Variants in SBNO2 observed in about 807,000 individuals in gnomAD.
SBNO2 encodes protein strawberry notch homolog 2.
In SBNO2, 89 loss-of-function variants were observed where a neutral mutation model predicts 146.3. The ratio of observed to expected loss-of-function variants is 0.61; its 90% CI spans 0.51 to 0.73. The LOEUF is 0.73. Among genes scored for constraint, SBNO2 ranks in the 30% least tolerant of loss-of-function variants. The pLI is 0.00. For synonymous variants in SBNO2, 1,147 were observed against 892.6 expected (o/e 1.29, Z -5.08); for missense variants, 2,092 against 2,003.7 (o/e 1.04, Z -0.84).
intron 1 of SBNO2, among the ~76,000 whole-genome samples, chr19:1,155,733 C>T (rs963772945): frequency 5.9e-5 from 9 of 152,192 alleles, no homozygotes; most frequent in Admixed American, 4.6e-4. Context: ...CCCCCGACCC[C>T]GGCCCCGTGT....
At chr19:1,121,553 C>T (rs185033043) in intron 11 of SBNO2, among the ~76,000 whole-genome samples, 373 of 152,322 alleles carry the variant, frequency 2.4e-3, no homozygotes, top group Non-Finnish European at 4.4e-3. Flanking sequence ...CCTGCAGGGC[C>T]GAGCACCAGG....
intron 16 of SBNO2, among the ~76,000 whole-genome samples, chr19:1,116,598 C>A (rs936324441): frequency 3.9e-5 from 6 of 152,166 alleles, no homozygotes; most frequent in African/African-American, 1.4e-4. Context: ...CCCTGGAGAC[C>A]ATGTCCCAAA....
At chr19:1,143,247 G>A (rs1186348185) in intron 4 of SBNO2, among the ~76,000 whole-genome samples, 2 of 152,188 alleles carry the variant, frequency 1.3e-5, no homozygotes, top group South Asian at 2.1e-4. Context: ...GTAGGCTCAG[G>A]CAGGAGAATC....
Position 1,157,606 on chromosome 19 carries a change from AG to A in SBNO2, c.-126-3205del, listed in dbSNP as rs1482951363. 2.6e-5 allele frequency among the ~76,000 whole-genome samples: 4 copies of A among 152,042 alleles called. No individual in the cohort carries two copies. Among genetic ancestry groups the A allele is most frequent in the South Asian group, 2.1e-4 (1 of 4,828 alleles). On this transcript the variant is annotated intron_variant, in intron 1 of 31. Coordinates refer to ENST00000361757, the MANE Select transcript of SBNO2 (RefSeq NM_014963.3). This position sits in a 1 kb window ranked among gnomAD's most constrained non-coding sequence, Gnocchi z 6.8. ...GGGGTCACACGGTTCCCACCTTGGG[AG>A]GGGGCCCGCGCTTTATCAGCACGCT...
chr19:1,143,962 C>T (rs1258337844), intron 4 of SBNO2, among the ~76,000 whole-genome samples: 4 of 152,348 alleles, frequency 2.6e-5, no homozygotes, highest in African/African-American at 9.6e-5. Flanking sequence ...AGGCTGTAAC[C>T]GTGTGGCCAG....
rs1167658821 is a variant in SBNO2, at chr19:1,110,626, C to A, written c.3028+119G>T. ...GGGATGCACGGTGTTCCCACGAGCCCCTCGCCCACCCGGGATGCCCGGTGT... is the reference window on the plus strand; with the variant it reads ...GGGATGCACGGTGTTCCCACGAGCCACTCGCCCACCCGGGATGCCCGGTGT... On this transcript the variant is annotated intron_variant, in intron 26 of 31. Transcript: ENST00000361757. This position sits in a 1 kb window ranked among gnomAD's most constrained non-coding sequence, Gnocchi z 4.9. 1.0e-5 allele frequency: 13 copies of A among 1,294,768 alleles called. No homozygotes were observed. The highest frequency in any genetic ancestry group is 1.3e-5 in the Non-Finnish European group (13 of 966,964). 80.2% of individuals were successfully genotyped at this position (1,294,768 alleles called of 1,614,324 possible).
At chr19:1,124,599 G>C (rs28697188) in intron 5 of SBNO2, among the ~76,000 whole-genome samples, 1 of 152,172 alleles carries the variant, frequency 6.6e-6, no homozygotes, top group Non-Finnish European at 1.5e-5. Context: ...AACCCCCGTG[G>C]GTGCAGTCCC....
intron 1 of SBNO2, among the ~76,000 whole-genome samples, chr19:1,171,169 C>T (rs897909085): frequency 2.4e-4 from 36 of 151,804 alleles, no homozygotes. Flanking sequence ...GCGTATGAAA[C>T]ACACGAGCAA....
In SBNO2 at chr19:1,109,615, TGG is replaced by T; in HGVS notation, c.3124-19_3124-18del. On this transcript the variant is annotated intron_variant, in intron 27 of 31. Coordinates refer to ENST00000361757, the MANE Select transcript of SBNO2 (RefSeq NM_014963.3). The surrounding 1 kb of genome is among the most constrained non-coding windows in gnomAD (Gnocchi z 4.2). ...CACGCTGATCTGCCACGGCACGGGGTGGGGGGGTGTGAGTGTGGTGGGGGCGG... is the reference window on the plus strand; with the variant it reads ...CACGCTGATCTGCCACGGCACGGGGTGGGGGTGTGAGTGTGGTGGGGGCGG... The T allele has an allele frequency of 1.7e-6, 1 of 572,880 alleles. No homozygotes were observed. Among genetic ancestry groups the T allele is most frequent in the Admixed American group, 4.5e-5 (1 of 22,076 alleles). 35.5% of individuals were successfully genotyped at this position (572,880 alleles called of 1,614,324 possible).
intron 1 of SBNO2, among the ~76,000 whole-genome samples, chr19:1,170,442 C>G (rs1458398372): frequency 1.3e-5 from 2 of 152,086 alleles, no homozygotes; most frequent in Non-Finnish European, 2.9e-5. Flanking sequence ...TCCACCCACA[C>G]TGCCGGGCGG....
At chr19:1,120,570 T>C (rs1197809063) in intron 11 of SBNO2, among the ~76,000 whole-genome samples, 1 of 151,790 alleles carries the variant, frequency 6.6e-6, no homozygotes, top group Non-Finnish European at 1.5e-5. Flanking sequence ...GGGTTGGCCG[T>C]TTGGTTGGCC....
chr19:1,151,398 G>A (rs373511825), intron 2 of SBNO2, among the ~76,000 whole-genome samples: 3 of 152,172 alleles, frequency 2.0e-5, no homozygotes, highest in Non-Finnish European at 4.4e-5. Flanking sequence ...GGATGGGACG[G>A]GGGGAAAGTC....
At chr19:1,167,798 C>A (rs1030945450) in intron 1 of SBNO2, among the ~76,000 whole-genome samples, 3 of 152,204 alleles carry the variant, frequency 2.0e-5, no homozygotes, top group African/African-American at 7.2e-5. Flanking sequence ...TCTCAGCCTG[C>A]GGTCAGGCCG....
chr19:1,164,813 AGCAGGAGGAG>A (rs1421964267), intron 1 of SBNO2, among the ~76,000 whole-genome samples: 57 of 130 alleles, frequency 0.44, 7 homozygotes, highest in Admixed American at 0.75. Context: ...GAGGAGGAGG[AGCAGGAGGAG>A]GGAGGAGGAA....
In SBNO2 at chr19:1,111,010, G is replaced by A. The variant is rs1319801705; in HGVS notation, c.2884+9C>T. 6.3e-6 allele frequency: 10 copies of A among 1,594,402 alleles called. No individual in the cohort carries two copies. The highest frequency in any genetic ancestry group is 7.7e-6 in the Non-Finnish European group (9 of 1,171,200). On this transcript the variant is annotated intron_variant, in intron 25 of 31. Transcript: ENST00000361757. ...GGAGCGCCTCTGGGCCTGGGTGTGG[G>A]GCACTCACCCTTCTCCACGTCCAGG...
At position 1,157,284 on chromosome 19, in the gene SBNO2, T is replaced by G. The variant is rs1436997705; in HGVS notation, c.-126-2882A>C. 6.6e-6 allele frequency among the ~76,000 whole-genome samples: 1 copy of G among 151,778 alleles called. No homozygotes were observed. The highest frequency in any genetic ancestry group is 2.0e-4 in the East Asian group (1 of 5,106). Reference sequence around the variant, plus strand: ...CCCAGGATAAACCCTAGTGGGACACTGGGTGGGGTCTTGGGGCCTGAGAAC... The same window carrying G: ...CCCAGGATAAACCCTAGTGGGACACGGGGTGGGGTCTTGGGGCCTGAGAAC... On this transcript the variant is annotated intron_variant, in intron 1 of 31. Coordinates refer to ENST00000361757, the MANE Select transcript of SBNO2 (RefSeq NM_014963.3). The surrounding 1 kb of genome is among the most constrained non-coding windows in gnomAD (Gnocchi z 6.8).
At position 1,119,041 on chromosome 19, in the gene SBNO2, G is replaced by A. The variant is rs111747553; in HGVS notation, c.1497C>T (p.Phe499=). ...GGGCCGCGCGGTTGTAGACGCACTC[G>A]AAGGCTGGGGCCAGCGGGATCTCCT... ...RIEEIPLAPA[F]ECVYNRAALL... Residue 499 remains phenylalanine (F), a synonymous_variant, in exon 14 of 32, where the codon TTC becomes TTT. Coordinates refer to ENST00000361757, the MANE Select transcript of SBNO2 (RefSeq NM_014963.3). The A allele has an allele frequency of 1.2e-3, 1,906 of 1,603,912 alleles. No individual in the cohort carries two copies. Among genetic ancestry groups the A allele is most frequent in the Non-Finnish European group, 1.4e-3 (1,662 of 1,177,126 alleles).
At position 1,108,313 on chromosome 19, in the gene SBNO2, G is replaced by A. The variant is rs1317301774; in HGVS notation, c.4008C>T (p.Gly1336=). 6 of 1,441,002 alleles carry A rather than the reference G, an allele frequency of 4.2e-6. No individual in the cohort carries two copies. Among genetic ancestry groups the A allele is most frequent in the Non-Finnish European group, 5.5e-6 (6 of 1,090,984 alleles). The allele number at this position is 1,441,002 out of a possible 1,614,324, so 89.3% of individuals were successfully genotyped here. Residue 1336 remains glycine, a synonymous_variant, in exon 32 of 32, where the codon GGC becomes GGT. Transcript: ENST00000361757. The part of the protein sequence containing the change: ...GPPSEGALGE[G]AGAGGAAGGG... ...CGCCCGCCGCGCCCCCCGCCCCCGC[G>A]CCCTCCCCCAGCGCGCCCTCGGAGG... is the stretch of plus-strand genomic sequence containing the variant.
chr19:1,131,168 G>C lies in SBNO2; in HGVS notation c.280-3403C>G, dbSNP rs565508703. On this transcript the variant is annotated intron_variant, in intron 4 of 31. Transcript: ENST00000361757. Reference sequence around the variant, plus strand: ...TGTCCCTCCACAGCCCCTCCAGGCCGGCCCAGGCTCCTGCATCCTTCACCA... The same window carrying C: ...TGTCCCTCCACAGCCCCTCCAGGCCCGCCCAGGCTCCTGCATCCTTCACCA... 1.1e-4 allele frequency among the ~76,000 whole-genome samples: 16 copies of C among 152,238 alleles called. No individual in the cohort carries two copies. The South Asian group carries it at 3.3e-3, about 32-fold the overall frequency.
Sources: allele counts gnomAD v4.1 joint callset (sites outside exome capture counted in the v4.1 genomes callset), GRCh38; gene constraint gnomAD v4.1.1; non-coding constraint Gnocchi (gnomAD v3.1); transcripts MANE v1.5; gene names NCBI Gene and HGNC (gene_info 2026-07-23, HGNC 2026-07-21).